Variants in MYO18B observed in about 807,000 individuals in gnomAD.
MYO18B encodes myosin XVIIIB.
A neutral mutation model predicts 273.0 loss-of-function variants in MYO18B; 204 were observed. The observed-to-expected ratio is 0.75, with a 90% CI of 0.67 to 0.84. MYO18B has a LOEUF of 0.84. Among genes scored for constraint, MYO18B ranks in the 40% least tolerant of loss-of-function variants. The pLI is 0.00. For synonymous variants in MYO18B, 1,330 were observed against 1,305.7 expected, an observed-to-expected ratio of 1.02 and a Z score of -0.40; for missense variants, 3,212 against 3,287.6, an observed-to-expected ratio of 0.98 and a Z score of 0.56.
At chr22:25,798,592 C>T (rs2088035747) in intron 12 of MYO18B, among the ~76,000 whole-genome samples, 1 of 151,784 alleles carries the variant, frequency 6.6e-6, no homozygotes, top group Non-Finnish European at 1.5e-5. Flanking sequence ...GAGATAGGGT[C>T]TTGCATTGTT....
At chr22:25,831,024 G>C (rs374495561) in intron 15 of MYO18B, among the ~76,000 whole-genome samples, 2 of 152,170 alleles carry the variant, frequency 1.3e-5, no homozygotes, top group African/African-American at 2.4e-5. Flanking sequence ...TGAGTATAAA[G>C]AAACTAAAGA....
At chr22:25,742,777 A>G (rs2085665764) in intron 1 of MYO18B, among the ~76,000 whole-genome samples, 1 of 152,188 alleles carries the variant, frequency 6.6e-6, no homozygotes, top group African/African-American at 2.4e-5. Flanking sequence ...GTTCTTTTTT[A>G]AACTGCAAAT....
chr22:26,027,650 G>A lies in MYO18B; in HGVS notation c.7676G>A (p.Ser2559Asn), dbSNP rs1263678658. 6.2e-7 allele frequency: 1 copy of A among 1,613,072 alleles called. No individual in the cohort carries two copies. Among genetic ancestry groups the A allele is most frequent in the Admixed American group, 1.7e-5 (1 of 59,970 alleles). Reference protein sequence around the residue: ...GTGRKDDDVASIMKKYLQK With the variant: ...GTGRKDDDVANIMKKYLQK Reference sequence around the variant, plus strand: ...GGGAGGAAAGACGACGATGTTGCGAGCATAATGAAGAAATACCTCCAGAAG... The same window carrying A: ...GGGAGGAAAGACGACGATGTTGCGAACATAATGAAGAAATACCTCCAGAAG... Residue 2559 changes from serine (S) to asparagine (N), a missense_variant, in exon 43 of 44, where the codon AGC (serine) becomes AAC (asparagine). Coordinates refer to ENST00000335473, the MANE Select transcript of MYO18B (RefSeq NM_032608.7). The surrounding 1 kb of genome is among the most constrained non-coding windows in gnomAD (Gnocchi z 4.1).
chr22:25,858,693 T>A (rs1016220404), intron 21 of MYO18B, among the ~76,000 whole-genome samples: 2 of 152,214 alleles, frequency 1.3e-5, no homozygotes, highest in African/African-American at 4.8e-5. Flanking sequence ...CTGGGCTCAA[T>A]TTGACACAGG....
chr22:25,877,152 G>A (rs2146201816), intron 24 of MYO18B: 1 of 152,320 alleles, frequency 6.6e-6, no homozygotes, highest in Non-Finnish European at 1.5e-5. Context: ...TTTGTGTTCA[G>A]CCCCTAGACT....
intron 34 of MYO18B, among the ~76,000 whole-genome samples, chr22:25,933,999 GTAT>G (rs2146519523): frequency 6.6e-6 from 1 of 152,324 alleles, no homozygotes; most frequent in South Asian, 2.1e-4. Context: ...CTGGCAGTTG[GTAT>G]TATTATCAGT....
chr22:25,810,703 T>C (rs58171116), intron 12 of MYO18B, among the ~76,000 whole-genome samples: 10,020 of 152,170 alleles, frequency 0.066, 576 homozygotes, highest in East Asian at 0.21. Context: ...CCCAAAGTGC[T>C]GGGATTACAG....
the MYO18B span, among the ~76,000 whole-genome samples, chr22:26,051,434 A>C: frequency 4.6e-5 from 7 of 152,122 alleles, no homozygotes; most frequent in African/African-American, 1.7e-4. Flanking sequence ...CGTGTTAACC[A>C]GGATGGTCTC....
In MYO18B at chr22:25,947,777, C is replaced by T. The variant is rs374881136; in HGVS notation, c.5697C>T (p.Asp1899=). Residue 1899 remains aspartate, a synonymous_variant, in exon 36 of 44, where the codon GAC becomes GAT. Transcript: ENST00000335473. ...KADLLKRIDE[D]QDDLNELMQK... ...ACCTCCTGAAGCGCATCGATGAGGA[C>T]CAGGATGACCTGAATGAGCTGATGC... 73 of 1,613,866 alleles carry T rather than the reference C, an allele frequency of 4.5e-5. No individual in the cohort carries two copies. Among genetic ancestry groups the T allele is most frequent in the Middle Eastern group, 3.3e-4 (2 of 6,050 alleles).
intron 29 of MYO18B, 151 bp from the exon 30 acceptor site, chr22:25,902,462 A>C: frequency 1.1e-6 from 1 of 896,164 alleles, no homozygotes; most frequent in Non-Finnish European, 1.6e-6. Flanking sequence ...CCAACTTCTC[A>C]TACTTTCTCT....
intron 1 of MYO18B, chr22:25,756,777 T>A (rs1226094980): frequency 6.6e-6 from 1 of 152,274 alleles, no homozygotes; most frequent in Non-Finnish European, 1.5e-5. Context: ...CTATATATTG[T>A]TGGCTGGATG....
intron 15 of MYO18B, among the ~76,000 whole-genome samples, chr22:25,832,177 G>A (rs957528632): frequency 6.6e-5 from 10 of 152,210 alleles, no homozygotes; most frequent in Admixed American, 4.6e-4. Context: ...TAGTGCAGCC[G>A]CTGTGGAAAA....
At chr22:25,959,251 C>T (rs1054931573) in intron 39 of MYO18B, 1 of 150,246 alleles carries the variant, frequency 6.7e-6, no homozygotes, top group Non-Finnish European at 1.5e-5. Flanking sequence ...CAAAGTATTG[C>T]CTTCTCCATC....
intron 37 of MYO18B, among the ~76,000 whole-genome samples, chr22:25,951,448 G>T (rs2092791926): frequency 6.6e-6 from 1 of 152,128 alleles, no homozygotes. Flanking sequence ...GCCTGTGCTT[G>T]TGCTGAATCC....
chr22:26,019,059 G>A (rs1935598620), intron 42 of MYO18B, among the ~76,000 whole-genome samples: 1 of 152,146 alleles, frequency 6.6e-6, no homozygotes, highest in African/African-American at 2.4e-5. Flanking sequence ...CAGTTTCTCT[G>A]GAATTTCTTG....
At chr22:25,980,701 A>G (rs1290738042) in intron 39 of MYO18B, among the ~76,000 whole-genome samples, 2 of 152,220 alleles carry the variant, frequency 1.3e-5, no homozygotes, top group East Asian at 1.9e-4. Flanking sequence ...TACATTCTCT[A>G]TAGTGAATGC....
chr22:25,760,971 C>G lies in MYO18B; in HGVS notation c.-109-13C>G. 1 of 1,076,564 alleles carries G rather than the reference C, an allele frequency of 9.3e-7. No individual in the cohort carries two copies. Among genetic ancestry groups the G allele is most frequent in the Non-Finnish European group, 1.4e-6 (1 of 707,090 alleles). 66.7% of individuals were successfully genotyped at this position (1,076,564 alleles called of 1,614,324 possible). On this transcript the variant is annotated splice_polypyrimidine_tract_variant and intron_variant, in intron 1 of 43. Coordinates refer to ENST00000335473, the MANE Select transcript of MYO18B (RefSeq NM_032608.7). ...TCTCTCTCTTCTCTCCCCACTGTGT[C>G]CCTGTGTGTCAGTTCTGTGTCCATC... is the stretch of plus-strand genomic sequence containing the variant.
Position 25,769,432 on chromosome 22 carries a change from A to AG in MYO18B, c.1512+9dup. 1 of 1,520,768 alleles carries AG rather than the reference A, an allele frequency of 6.6e-7. No homozygotes were observed. The highest frequency in any genetic ancestry group is 8.8e-7 in the Non-Finnish European group (1 of 1,134,062). The allele number at this position is 1,520,768 out of a possible 1,614,324, so 94.2% of individuals were successfully genotyped here. ...CCAGAGCAGAGACTCAGACCAGGTGAGGGGGCTGCGGCCCTGGGAGCGGGA... is the reference window on the plus strand; with the variant it reads ...CCAGAGCAGAGACTCAGACCAGGTGAGGGGGGCTGCGGCCCTGGGAGCGGGA... On this transcript the variant is annotated splice_donor_region_variant and intron_variant, in intron 4 of 43. Coordinates refer to ENST00000335473, the MANE Select transcript of MYO18B (RefSeq NM_032608.7).
chr22:25,879,301 C>T (rs2091278108), intron 25 of MYO18B, among the ~76,000 whole-genome samples: 1 of 135,866 alleles, frequency 7.4e-6, no homozygotes, highest in Non-Finnish European at 1.6e-5. Context: ...TTTCCTGATC[C>T]TTAAACTAGA....
Sources: allele counts gnomAD v4.1 joint callset (sites outside exome capture counted in the v4.1 genomes callset), GRCh38; gene constraint gnomAD v4.1.1; non-coding constraint Gnocchi (gnomAD v3.1); transcripts MANE v1.5; gene names NCBI Gene and HGNC (gene_info 2026-07-23, HGNC 2026-07-21).